The following DLG2 variants were observed in gnomAD, a reference collection of about 807,000 sequenced individuals.
DLG2 encodes the protein disks large homolog 2.
DLG2 carries 45 observed loss-of-function variants against 132.5 expected under a neutral mutation model. The ratio of observed to expected loss-of-function variants is 0.34; its 90% CI spans 0.27 to 0.44. The LOEUF is 0.44. Among genes scored for constraint, DLG2 ranks in the 20% least tolerant of loss-of-function variants. The probability of loss-of-function intolerance (pLI) is 1.00; values close to 1 mark genes in which losing one functional copy is unlikely to be tolerated. For missense variants in DLG2, 1,045 were observed against 1,196.9 expected, an observed-to-expected ratio of 0.87 and a Z score of 1.87; for synonymous variants, 424 against 419.6, an observed-to-expected ratio of 1.01 and a Z score of -0.13.
intron 6 of DLG2, among the ~76,000 whole-genome samples, chr11:84,947,154 T>C (rs1363158127): frequency 6.6e-6 from 1 of 152,202 alleles, no homozygotes; most frequent in Non-Finnish European, 1.5e-5. Flanking sequence ...CTTTAGTGTC[T>C]CCTTCCTTGA....
At chr11:84,605,430 C>T (rs1229057597) in intron 6 of DLG2, among the ~76,000 whole-genome samples, 3 of 151,774 alleles carry the variant, frequency 2.0e-5, no homozygotes, top group Admixed American at 1.3e-4. Context: ...TCTATATCTT[C>T]GTCAGTACTA....
intron 8 of DLG2, among the ~76,000 whole-genome samples, chr11:84,244,099 C>A (rs1029432161): frequency 1.3e-5 from 2 of 152,148 alleles, no homozygotes; most frequent in African/African-American, 4.8e-5. Flanking sequence ...GTATGATGTA[C>A]AACTAAGCAG....
intron 6 of DLG2, among the ~76,000 whole-genome samples, chr11:84,569,601 C>T (rs2099472284): frequency 6.6e-6 from 1 of 151,938 alleles, no homozygotes; most frequent in African/African-American, 2.4e-5. Flanking sequence ...CTGAAAAATT[C>T]ATTATAAAGT....
intron 6 of DLG2, among the ~76,000 whole-genome samples, chr11:85,077,192 A>G (rs2066649295): frequency 6.6e-6 from 1 of 152,082 alleles, no homozygotes; most frequent in South Asian, 2.1e-4. Flanking sequence ...CAAAAATATA[A>G]TAACAATGAT....
intron 6 of DLG2, among the ~76,000 whole-genome samples, chr11:84,971,882 G>A (rs933324093): frequency 1.3e-5 from 2 of 152,104 alleles, no homozygotes; most frequent in African/African-American, 4.8e-5. Flanking sequence ...AAGAATGTAG[G>A]AGGGAATGTC....
At chr11:85,142,075 C>T (rs1019358742) in intron 5 of DLG2, among the ~76,000 whole-genome samples, 6 of 151,636 alleles carry the variant, frequency 4.0e-5, no homozygotes, top group African/African-American at 1.2e-4. Context: ...TTTAGGATTA[C>T]TTTGTTATTT....
intron 6 of DLG2, among the ~76,000 whole-genome samples, chr11:85,062,884 C>G (rs1245049839): frequency 6.6e-6 from 1 of 151,680 alleles, no homozygotes; most frequent in Admixed American, 6.6e-5. Context: ...GAGAAATAAG[C>G]ACACTAAGCA....
At chr11:84,213,805 C>A (rs1236553394) in intron 8 of DLG2, among the ~76,000 whole-genome samples, 4 of 124,760 alleles carry the variant, frequency 3.2e-5, no homozygotes, top group Non-Finnish European at 6.3e-5. Flanking sequence ...GGTGACAGAG[C>A]GAGACTCCGT....
At chr11:84,769,825 C>G (rs1413983799) in intron 6 of DLG2, among the ~76,000 whole-genome samples, 1 of 152,140 alleles carries the variant, frequency 6.6e-6, no homozygotes, top group Non-Finnish European at 1.5e-5. Flanking sequence ...GGTGCCTATT[C>G]CTAAAGAAAA....
At chr11:84,325,415 T>C (rs543878896) in intron 7 of DLG2, among the ~76,000 whole-genome samples, 2 of 152,132 alleles carry the variant, frequency 1.3e-5, no homozygotes, top group East Asian at 3.9e-4. Context: ...TCTGTGTCCA[T>C]GTGTTCTCTT....
intron 17 of DLG2, among the ~76,000 whole-genome samples, chr11:83,826,178 T>C (rs1211155272): frequency 6.6e-6 from 1 of 152,176 alleles, no homozygotes. Context: ...AGTCTGTATG[T>C]GATGGGTGAT....
At chr11:85,563,761 A>G (rs1214392332) in intron 3 of DLG2, among the ~76,000 whole-genome samples, 2 of 152,132 alleles carry the variant, frequency 1.3e-5, no homozygotes, top group African/African-American at 2.4e-5. Context: ...GCTACTACGA[A>G]TAATGCTGCT....
rs534361118 is a variant in DLG2, at chr11:84,262,900, A to T, written c.520-11609T>A. Among the ~76,000 whole-genome samples, 7 of 152,292 alleles carry T rather than the reference A, an allele frequency of 4.6e-5. No individual in the cohort carries two copies. In the South Asian group the frequency reaches 1.2e-3, roughly 27 times the overall value. ...GCATAGTGTTCCTATTTTTAATAGA[A>T]ACATAAAGTTTTGAGTCATTGATAA... On this transcript the variant is annotated intron_variant, in intron 7 of 27. Transcript: ENST00000376104.
chr11:84,677,682 G>C (rs1422859959), intron 6 of DLG2, among the ~76,000 whole-genome samples: 1 of 151,970 alleles, frequency 6.6e-6, no homozygotes, highest in Admixed American at 6.6e-5. Context: ...CCAAGAGCTA[G>C]AGACCAGCTT....
intron 6 of DLG2, among the ~76,000 whole-genome samples, chr11:84,840,011 G>A (rs1182939634): frequency 2.0e-5 from 3 of 152,108 alleles, no homozygotes; most frequent in Non-Finnish European, 4.4e-5. Context: ...AAACTAGAGA[G>A]CTTCTGTACA....
chr11:84,534,504 T>A, intron 7 of DLG2, 66 bp downstream of exon 7: 1 of 1,504,134 alleles, frequency 6.6e-7, no homozygotes, highest in Non-Finnish European at 9.2e-7. Context: ...CCAGCAAACA[T>A]CTCCATTAGC....
intron 7 of DLG2, among the ~76,000 whole-genome samples, chr11:84,491,119 A>T (rs2099163952): frequency 6.6e-6 from 1 of 152,094 alleles, no homozygotes; most frequent in African/African-American, 2.4e-5. Flanking sequence ...ATGTCAGAGC[A>T]CATTGCCAAA....
At chr11:84,975,702 T>C (rs972696250) in intron 6 of DLG2, among the ~76,000 whole-genome samples, 5 of 152,284 alleles carry the variant, frequency 3.3e-5, no homozygotes, top group Non-Finnish European at 4.4e-5. Context: ...GAGGGGATAA[T>C]TGACTTCCCA....
chr11:85,300,882 G>A (rs1050606384), intron 3 of DLG2, among the ~76,000 whole-genome samples: 4 of 151,942 alleles, frequency 2.6e-5, no homozygotes, highest in Admixed American at 2.6e-4. Context: ...CCTGAGAGAG[G>A]AGAAAGCATG....
Sources: gnomAD v4.1 joint callset for allele counts (sites outside exome capture counted in the v4.1 genomes callset) on GRCh38, gnomAD v4.1.1 for gene constraint, MANE v1.5 for transcripts, NCBI Gene and HGNC (gene_info 2026-07-23, HGNC 2026-07-21) for gene names.